The following SEC63 variants were observed in gnomAD, a reference collection of about 807,000 sequenced individuals.
The protein encoded by SEC63 is SEC63 protein translocation regulator, also known as translocation protein SEC63 homolog.
SEC63 carries 56 observed loss-of-function variants against 116.2 expected under a neutral mutation model. The observed-to-expected ratio is 0.48, with a 90% CI of 0.39 to 0.60. SEC63 has a LOEUF of 0.60. Among genes scored for constraint, SEC63 ranks in the 20% least tolerant of loss-of-function variants. The pLI, the probability that SEC63 is intolerant of heterozygous loss-of-function variation, is 0.00. For missense variants in SEC63, 668 were observed against 900.0 expected, an observed-to-expected ratio of 0.74 and a Z score of 3.30; for synonymous variants, 273 against 294.6, an observed-to-expected ratio of 0.93 and a Z score of 0.75.
chr6:107,911,197 T>C (rs1787276552), intron 7 of SEC63, 149 bp downstream of exon 7: 6 of 669,702 alleles, frequency 9.0e-6, no homozygotes, highest in Middle Eastern at 4.1e-4. Context: ...GCTCAAGCGA[T>C]CCTCCCACCT....
At chr6:107,938,247 A>ATTTT (rs4028676) in intron 1 of SEC63, among the ~76,000 whole-genome samples, 8,928 of 133,918 alleles carry the variant, frequency 0.067, 526 homozygotes, top group South Asian at 0.085. Flanking sequence ...TGGTGAGTTA[A>ATTTT]TTTTTTTTTT....
At chr6:107,899,026 T>C (rs1786933288) in intron 13 of SEC63, among the ~76,000 whole-genome samples, 1 of 152,184 alleles carries the variant, frequency 6.6e-6, no homozygotes, top group Non-Finnish European at 1.5e-5. Context: ...GGCCACATAT[T>C]CATCTACATT....
intron 4 of SEC63, among the ~76,000 whole-genome samples, chr6:107,914,371 A>C (rs1787352481): frequency 6.6e-6 from 1 of 152,122 alleles, no homozygotes; most frequent in South Asian, 2.1e-4. Context: ...ACTTCTCAAA[A>C]CTTAAGAGGC....
intron 4 of SEC63, among the ~76,000 whole-genome samples, chr6:107,918,997 G>A (rs1457460860): frequency 3.2e-5 from 4 of 126,918 alleles, no homozygotes; most frequent in Non-Finnish European, 6.4e-5. Flanking sequence ...CCCAACCTCC[G>A]CCTCCCAGGT....
intron 4 of SEC63, among the ~76,000 whole-genome samples, chr6:107,914,343 A>T (rs1158260211): frequency 1.3e-5 from 2 of 152,124 alleles, no homozygotes; most frequent in East Asian, 3.8e-4. Context: ...GGTCAAATCT[A>T]ATTTTAACCG....
At chr6:107,878,959 A>G (rs1786343431) in intron 18 of SEC63, among the ~76,000 whole-genome samples, 1 of 152,026 alleles carries the variant, frequency 6.6e-6, no homozygotes, top group South Asian at 2.1e-4. Flanking sequence ...GATTTCTATG[A>G]GTTACCTGTA....
chr6:107,876,757 T>TC, intron 18 of SEC63, 95 bp from the exon 19 acceptor site: 1 of 756,108 alleles, frequency 1.3e-6, no homozygotes, highest in South Asian at 1.5e-5. Context: ...ATCTTAGAGA[T>TC]CCTCTGCACT....
At chr6:107,897,763 AAT>A in intron 13 of SEC63, 32 bp from the exon 14 acceptor site, 1 of 1,445,964 alleles carries the variant, frequency 6.9e-7, no homozygotes, top group Non-Finnish European at 9.7e-7. Flanking sequence ...AACAGCAAAA[AAT>A]AAAAATCAAG....
chr6:107,940,982 C>G (rs1770362794), intron 1 of SEC63, among the ~76,000 whole-genome samples: 1 of 151,864 alleles, frequency 6.6e-6, no homozygotes, highest in Non-Finnish European at 1.5e-5. Flanking sequence ...AAAGGTTAAC[C>G]AAAAACAGGT....
At position 107,874,316 on chromosome 6, in the gene SEC63, C is replaced by T. The variant is rs182291438; in HGVS notation, c.2035-1404G>A. ...AAAGATTAAAAAAGAACAAGGAAGC[C>T]GGGCACGGTGGCTCACGCCTGTAAT... is the stretch of plus-strand genomic sequence containing the variant. On this transcript the variant is annotated intron_variant, in intron 19 of 20. Transcript: ENST00000369002. Among the ~76,000 whole-genome samples, 262 of 152,164 alleles carry T rather than the reference C, an allele frequency of 1.7e-3. 1 individual carries two copies. Among genetic ancestry groups the T allele is most frequent in the African/African-American group, 5.8e-3 (240 of 41,536 alleles).
At chr6:107,877,032 C>T in intron 18 of SEC63, 1 of 225,918 alleles carries the variant, frequency 4.4e-6, no homozygotes, top group Non-Finnish European at 8.9e-6. Flanking sequence ...AAGCAAAAGC[C>T]ACAAAGTTGG....
chr6:107,871,849 TAG>T lies in SEC63; in HGVS notation c.2140-4_2140-3del, dbSNP rs1238847741. ...AGGCTTAGCCTCATGAACTTCCAAC[TAG>T]AAAGAAGAATTAAATGTAGACATCA... On this transcript the variant is annotated splice_region_variant and splice_polypyrimidine_tract_variant and intron_variant, in intron 20 of 20. Coordinates refer to ENST00000369002, the MANE Select transcript of SEC63 (RefSeq NM_007214.5). The T allele has an allele frequency of 1.2e-6, 2 of 1,613,338 alleles. No homozygotes were observed. Among genetic ancestry groups the T allele is most frequent in the Admixed American group, 3.3e-5 (2 of 60,006 alleles).
intron 7 of SEC63, among the ~76,000 whole-genome samples, chr6:107,910,448 C>G (rs1263069259): frequency 6.6e-6 from 1 of 152,008 alleles, no homozygotes; most frequent in Non-Finnish European, 1.5e-5. Flanking sequence ...ACAGCAAGAC[C>G]TTGTCTCAAA....
chr6:107,906,187 A>C (rs1787144539), intron 10 of SEC63, among the ~76,000 whole-genome samples: 1 of 152,150 alleles, frequency 6.6e-6, no homozygotes, highest in African/African-American at 2.4e-5. Context: ...TGCTCTGGCC[A>C]TGTGAAGACA....
At chr6:107,943,152 G>A (rs2114509284) in intron 1 of SEC63, among the ~76,000 whole-genome samples, 1 of 152,328 alleles carries the variant, frequency 6.6e-6, no homozygotes. Context: ...GTTTTAAGCA[G>A]ACACTTGCAA....
At chr6:107,876,159 C>T (rs182212065) in intron 19 of SEC63, among the ~76,000 whole-genome samples, 27 of 152,180 alleles carry the variant, frequency 1.8e-4, no homozygotes, top group African/African-American at 6.5e-4. Context: ...ACAGTGAATA[C>T]CACGTAATCA....
intron 16 of SEC63, among the ~76,000 whole-genome samples, chr6:107,884,005 T>G (rs535359453): frequency 4.9e-4 from 75 of 151,898 alleles, no homozygotes; most frequent in African/African-American, 1.8e-3. Flanking sequence ...ATCCCAGCAC[T>G]CTGGGAGGCC....
chr6:107,953,522 G>T (rs1770623547), intron 1 of SEC63, among the ~76,000 whole-genome samples: 1 of 136,030 alleles, frequency 7.4e-6, no homozygotes, highest in South Asian at 2.4e-4. Context: ...GGAGGGAGGT[G>T]GGGGGTCAGC....
chr6:107,908,268 G>C (rs1431772076), intron 8 of SEC63, among the ~76,000 whole-genome samples: 2 of 151,996 alleles, frequency 1.3e-5, no homozygotes, highest in Non-Finnish European at 2.9e-5. Context: ...ATTCTGAAAG[G>C]TAACACTCTA....
Sources: allele counts gnomAD v4.1 joint callset (sites outside exome capture counted in the v4.1 genomes callset), GRCh38; gene constraint gnomAD v4.1.1; transcripts MANE v1.5; gene names NCBI Gene and HGNC (gene_info 2026-07-23, HGNC 2026-07-21).